Variants in MAP1LC3B2 observed in about 807,000 individuals in gnomAD.
MAP1LC3B2 encodes microtubule-associated protein 1 light chain 3 beta 2.
For missense variants in MAP1LC3B2, 155 were observed against 154.6 expected (o/e 1.00, Z -0.01); for synonymous variants, 62 against 57.8 (o/e 1.07, Z -0.33).
At chr12:116,571,378 T>C (rs1350978956) in intron 1 of MAP1LC3B2, among the ~76,000 whole-genome samples, 1 of 149,408 alleles carries the variant, frequency 6.7e-6, no homozygotes, top group Non-Finnish European at 1.5e-5. Flanking sequence ...AGTCTCAAAA[T>C]GTGACCTAGG....
Position 116,576,056 on chromosome 12 carries a change from C to G in MAP1LC3B2, c.114C>G (p.Tyr38Ter). The G allele has an allele frequency of 6.2e-7, 1 of 1,614,202 alleles. No homozygotes were observed. Among genetic ancestry groups the G allele is most frequent in the Non-Finnish European group, 8.5e-7 (1 of 1,180,054 alleles). The change falls in exon 2 of 2, where the codon TAC becomes TAG. Residue 38 changes from tyrosine (Y) to a stop codon, truncating the protein, a stop_gained. Transcript: ENST00000556529. LOFTEE classifies it low-confidence loss of function (END_TRUNC). ...AAATCCCGGTGATAATAGAACGATA[C>G]AAGGGTGAGAAGCAGCTTCCTGTTC... is the stretch of plus-strand genomic sequence containing the variant. The part of the protein sequence containing the change: ...PTKIPVIIER[Y>*]KGEKQLPVLD...
rs911586114 is a variant in MAP1LC3B2 at position 116,576,451 on chromosome 12, G to A, written c.*131G>A. ...CAAACAGTAGTGTTCCCACCTAGGA[G>A]TGTTAGGAAGTTGTGTTTGTGTTTC... On this transcript the variant is annotated 3_prime_UTR_variant, in exon 2 of 2. Transcript: ENST00000556529. 3 of 1,345,064 alleles carry A rather than the reference G, an allele frequency of 2.2e-6. No individual in the cohort carries two copies. Among genetic ancestry groups the A allele is most frequent in the Non-Finnish European group, 3.0e-6 (3 of 988,996 alleles). The allele number at this position is 1,345,064 out of a possible 1,614,324, so 83.3% of individuals were successfully genotyped here. A position where few individuals can be genotyped will look rare whatever the true frequency, so the allele number is the denominator to read the frequency against.
At position 116,567,769 on chromosome 12, in the gene MAP1LC3B2, T is replaced by A. The variant is rs190190691; in HGVS notation, c.-101-8073T>A. Among the ~76,000 whole-genome samples, 721 of 151,404 alleles carry A rather than the reference T, an allele frequency of 4.8e-3. 5 individuals are homozygous for A. Among genetic ancestry groups the A allele is most frequent in the African/African-American group, 0.015 (633 of 41,304 alleles). Reference sequence around the variant, plus strand: ...TCTAAAAAATAAAAATAAAAAAATATATATATATATGTAAACCCTCTAAGG... The same window carrying A: ...TCTAAAAAATAAAAATAAAAAAATAAATATATATATGTAAACCCTCTAAGG... On this transcript the variant is annotated intron_variant, in intron 1 of 1. Transcript: ENST00000556529.
At chr12:116,568,150 T>C (rs952694800) in intron 1 of MAP1LC3B2, among the ~76,000 whole-genome samples, 1 of 152,260 alleles carries the variant, frequency 6.6e-6, no homozygotes, top group Admixed American at 6.5e-5. Context: ...GTCCTGGCAA[T>C]TGTCTCTGAT....
Position 116,575,851 on chromosome 12 carries a change from G to A in MAP1LC3B2, c.-92G>A, listed in dbSNP as rs1205331426. ...TATTGTGCAAAAATAGCCTTACACG[G>A]CCACAGTCGGATTCGCTGCCGCAGC... On this transcript the variant is annotated 5_prime_UTR_variant, in exon 2 of 2. Transcript: ENST00000556529. The A allele has an allele frequency of 5.3e-6, 8 of 1,497,608 alleles. No individual in the cohort carries two copies. Among genetic ancestry groups the A allele is most frequent in the Non-Finnish European group, 7.4e-6 (8 of 1,083,164 alleles). The allele number at this position is 1,497,608 out of a possible 1,614,324, so 92.8% of individuals were successfully genotyped here.
At chr12:116,560,313 C>G (rs1309495423) in intron 1 of MAP1LC3B2, among the ~76,000 whole-genome samples, 1 of 150,306 alleles carries the variant, frequency 6.7e-6, no homozygotes, top group East Asian at 2.0e-4. Context: ...CAGTGGCGCG[C>G]TCTCGGCTCG....
chr12:116,567,574 C>T (rs1869421940), intron 1 of MAP1LC3B2, among the ~76,000 whole-genome samples: 1 of 151,354 alleles, frequency 6.6e-6, no homozygotes, highest in Admixed American at 6.6e-5. Context: ...ATGTTGACTC[C>T]AGGTCTCTAC....
chr12:116,571,189 G>A (rs545109673), intron 1 of MAP1LC3B2, among the ~76,000 whole-genome samples: 14 of 152,286 alleles, frequency 9.2e-5, no homozygotes, highest in South Asian at 2.1e-4. Context: ...AACAATCTTG[G>A]AAAAGCTCTG....
chr12:116,560,942 C>T (rs1869257417), intron 1 of MAP1LC3B2, among the ~76,000 whole-genome samples: 1 of 152,038 alleles, frequency 6.6e-6, no homozygotes, highest in Non-Finnish European at 1.5e-5. Flanking sequence ...TATGGCTTAA[C>T]CCCATCTCTA....
At chr12:116,561,542 C>T (rs933068182) in intron 1 of MAP1LC3B2, among the ~76,000 whole-genome samples, 8 of 152,144 alleles carry the variant, frequency 5.3e-5, no homozygotes, top group Admixed American at 3.3e-4. Flanking sequence ...GACTTCATAA[C>T]GATCAGGAAG....
chr12:116,565,391 C>A (rs1451629852), intron 1 of MAP1LC3B2, among the ~76,000 whole-genome samples: 1 of 152,156 alleles, frequency 6.6e-6, no homozygotes, highest in East Asian at 1.9e-4. Context: ...AGAAACGAAG[C>A]GAAACGGATT....
Position 116,575,846 on chromosome 12 carries a change from A to T in MAP1LC3B2, c.-97A>T. The T allele has an allele frequency of 6.9e-7, 1 of 1,453,248 alleles. No individual in the cohort carries two copies. The highest frequency in any genetic ancestry group is 9.6e-7 in the Non-Finnish European group (1 of 1,046,048). The allele number at this position is 1,453,248 out of a possible 1,614,324, so 90.0% of individuals were successfully genotyped here. A position where few individuals can be genotyped will look rare whatever the true frequency, so the allele number is the denominator to read the frequency against. On this transcript the variant is annotated 5_prime_UTR_variant, in exon 2 of 2. Transcript: ENST00000556529. ...GTTGTTATTGTGCAAAAATAGCCTT[A>T]CACGGCCACAGTCGGATTCGCTGCC...
chr12:116,559,681 T>G (rs369795786), intron 1 of MAP1LC3B2, among the ~76,000 whole-genome samples: 30 of 152,320 alleles, frequency 2.0e-4, no homozygotes, highest in Admixed American at 3.9e-4. Context: ...ACAGCCAGGC[T>G]GGCAGGGCAG....
rs777610429 is a variant in MAP1LC3B2 at position 116,569,672 on chromosome 12, G to A, written c.-101-6170G>A. Reference sequence around the variant, plus strand: ...CATTTCAACAAAGAAGTAGAATGGCGCTTATATACATACCTCAATACAACA... The same window carrying A: ...CATTTCAACAAAGAAGTAGAATGGCACTTATATACATACCTCAATACAACA... On this transcript the variant is annotated intron_variant, in intron 1 of 1. Coordinates refer to ENST00000556529, the MANE Select transcript of MAP1LC3B2 (RefSeq NM_001085481.3). Among the ~76,000 whole-genome samples the A allele has an allele frequency of 5.7e-4, 87 of 152,190 alleles. 1 individual carries two copies. Among genetic ancestry groups the A allele is most frequent in the Non-Finnish European group, 6.9e-4 (47 of 68,004 alleles).
intron 1 of MAP1LC3B2, among the ~76,000 whole-genome samples, chr12:116,564,089 T>C (rs578223531): frequency 6.6e-6 from 1 of 152,276 alleles, no homozygotes; most frequent in African/African-American, 2.4e-5. Flanking sequence ...AGAAGATACA[T>C]TTGGTTCTTT....
intron 1 of MAP1LC3B2, among the ~76,000 whole-genome samples, chr12:116,564,919 T>C (rs906574078): frequency 6.6e-5 from 10 of 152,240 alleles, no homozygotes; most frequent in African/African-American, 1.2e-4. Context: ...GCATCCCTTC[T>C]TTCAGGCCTC....
intron 1 of MAP1LC3B2, among the ~76,000 whole-genome samples, chr12:116,569,780 G>T (rs1390053340): frequency 6.6e-6 from 1 of 152,152 alleles, no homozygotes. Context: ...AACAGGCCAG[G>T]CATGGTGGCT....
At chr12:116,570,311 G>A (rs1869493468) in intron 1 of MAP1LC3B2, among the ~76,000 whole-genome samples, 1 of 152,138 alleles carries the variant, frequency 6.6e-6, no homozygotes, top group Non-Finnish European at 1.5e-5. Flanking sequence ...GCTTTTTGCT[G>A]TTAGTACAGC....
At position 116,576,039 on chromosome 12, in the gene MAP1LC3B2, G is replaced by T. The variant is rs759626346; in HGVS notation, c.97G>T (p.Val33Leu). ...AGAGCAGCATCCAACCAAAATCCCG[G>T]TGATAATAGAACGATACAAGGGTGA... Reference protein sequence around the residue: ...IREQHPTKIPVIIERYKGEKQ... With the variant: ...IREQHPTKIPLIIERYKGEKQ... The change falls in exon 2 of 2, where the codon GTG becomes TTG. Residue 33 changes from valine (V) to leucine (L), a missense_variant. Physicochemically the swap from Val to Leu is conservative, Grantham distance 32. Coordinates refer to ENST00000556529, the MANE Select transcript of MAP1LC3B2 (RefSeq NM_001085481.3). 2 of 1,614,204 alleles carry T rather than the reference G, an allele frequency of 1.2e-6. No homozygotes were observed. The highest frequency in any genetic ancestry group is 2.7e-5 in the African/African-American group (2 of 75,048).
Sources: gnomAD v4.1 joint callset for allele counts (sites outside exome capture counted in the v4.1 genomes callset) on GRCh38, gnomAD v4.1.1 for gene constraint, MANE v1.5 for transcripts, NCBI Gene and HGNC (gene_info 2026-07-23, HGNC 2026-07-21) for gene names.